ATOSA: variants seen among roughly 807,000 people sequenced by gnomAD.
ATOSA encodes the protein atos homolog protein A.
At chr15:52,689,989 G>A in the ATOSA span, among the ~76,000 whole-genome samples, 1 of 152,184 alleles carries the variant, frequency 6.6e-6, no homozygotes, top group Non-Finnish European at 1.5e-5. Context: ...ATTTTTCTGT[G>A]AAACTTGACT....
chr15:52,613,372 A>G, the ATOSA span, among the ~76,000 whole-genome samples: 4 of 152,334 alleles, frequency 2.6e-5, no homozygotes, highest in East Asian at 7.7e-4. Flanking sequence ...TCTCAAATAT[A>G]TAAATAAATA....
chr15:52,612,214 A>AC, the ATOSA span, among the ~76,000 whole-genome samples: 1 of 151,986 alleles, frequency 6.6e-6, no homozygotes, highest in Non-Finnish European at 1.5e-5. Context: ...CAAACTCCTA[A>AC]CCTCAGGTGA....
At chr15:52,652,158 T>C in the ATOSA span, 2 of 1,012,612 alleles carry the variant, frequency 2.0e-6, no homozygotes, top group Non-Finnish European at 2.6e-6. Context: ...GCTTCCTGTC[T>C]ACTTGGCAGC....
chr15:52,670,341 G>A, the ATOSA span, among the ~76,000 whole-genome samples: 2 of 152,166 alleles, frequency 1.3e-5, no homozygotes, highest in Non-Finnish European at 2.9e-5. Flanking sequence ...CAAACCATAT[G>A]TTCTCAGTTT....
At chr15:52,582,401 T>A in the ATOSA span, 1 of 1,075,610 alleles carries the variant, frequency 9.3e-7, no homozygotes, top group Non-Finnish European at 1.3e-6. Context: ...GAACAAATCT[T>A]GCTACAATAT....
At chr15:52,619,966 T>C in the ATOSA span, among the ~76,000 whole-genome samples, 1 of 152,288 alleles carries the variant, frequency 6.6e-6, no homozygotes, top group East Asian at 1.9e-4. Context: ...GATTAACCAA[T>C]GAAAACACAG....
At chr15:52,593,445 A>G in the ATOSA span, 1 of 792,178 alleles carries the variant, frequency 1.3e-6, no homozygotes, top group Non-Finnish European at 1.9e-6. Context: ...TTGTGAGGTA[A>G]TATTTTGGCA....
chr15:52,658,399 A>G, the ATOSA span: 5,763 of 196,918 alleles, frequency 0.029, 296 homozygotes, highest in African/African-American at 0.12. Flanking sequence ...CTTTCTGTCA[A>G]GAGCTCTCCG....
At chr15:52,703,792 G>C in the ATOSA span, among the ~76,000 whole-genome samples, 2 of 152,162 alleles carry the variant, frequency 1.3e-5, no homozygotes, top group South Asian at 4.1e-4. Flanking sequence ...GTATAACTAT[G>C]TAACAAACCT....
chr15:52,693,116 A>G, the ATOSA span, among the ~76,000 whole-genome samples: 25,919 of 152,158 alleles, frequency 0.17, 2,608 homozygotes, highest in African/African-American at 0.28. Context: ...ACAAACGGAA[A>G]GATTGAAACA....
the ATOSA span, among the ~76,000 whole-genome samples, chr15:52,666,456 T>C: frequency 6.6e-6 from 1 of 152,192 alleles, no homozygotes; most frequent in Admixed American, 6.5e-5. Context: ...TAGCACTCTA[T>C]CTTGTATATA....
At chr15:52,621,535 T>A in the ATOSA span, among the ~76,000 whole-genome samples, 1 of 152,198 alleles carries the variant, frequency 6.6e-6, no homozygotes, top group Non-Finnish European at 1.5e-5. Flanking sequence ...ATTGTAATAA[T>A]CCCCACGTGT....
At chr15:52,665,783 TTA>T in the ATOSA span, among the ~76,000 whole-genome samples, 1 of 152,178 alleles carries the variant, frequency 6.6e-6, no homozygotes, top group Admixed American at 6.5e-5. Flanking sequence ...AAGATAAATT[TTA>T]TGTTATCCAC....
At chr15:52,582,471 G>A in the ATOSA span, among the ~76,000 whole-genome samples, 2 of 152,316 alleles carry the variant, frequency 1.3e-5, no homozygotes, top group East Asian at 1.9e-4. Context: ...CAAAGCATAT[G>A]CTTTTATTTA....
chr15:52,619,706 C>G, the ATOSA span, among the ~76,000 whole-genome samples: 1 of 151,908 alleles, frequency 6.6e-6, no homozygotes, highest in African/African-American at 2.4e-5. Context: ...GTGGTGCATG[C>G]TTGTAATCCC....
the ATOSA span, among the ~76,000 whole-genome samples, chr15:52,647,098 T>C: frequency 1.3e-5 from 2 of 152,190 alleles, no homozygotes; most frequent in Non-Finnish European, 2.9e-5. Context: ...CAGAAGCTAA[T>C]TGGTTAATAT....
the ATOSA span, among the ~76,000 whole-genome samples, chr15:52,636,427 C>A: frequency 6.6e-6 from 1 of 152,058 alleles, no homozygotes; most frequent in Non-Finnish European, 1.5e-5. Flanking sequence ...GGAGACAGGG[C>A]TTTTAGGAGG....
At chr15:52,680,833 G>A in the ATOSA span, among the ~76,000 whole-genome samples, 2 of 152,048 alleles carry the variant, frequency 1.3e-5, no homozygotes, top group Admixed American at 1.3e-4. Context: ...ATTGAATACT[G>A]TATTATGTAG....
chr15:52,658,506 A>G, the ATOSA span: 1 of 380,140 alleles, frequency 2.6e-6, no homozygotes, highest in East Asian at 3.8e-5. Flanking sequence ...ACAGCACCTA[A>G]GAGAGGAAAC....
Sources: gnomAD v4.1 joint callset for allele counts (sites outside exome capture counted in the v4.1 genomes callset) on GRCh38, gnomAD v4.1.1 for gene constraint, MANE v1.5 for transcripts, NCBI Gene and HGNC (gene_info 2026-07-23, HGNC 2026-07-21) for gene names.